NHSL2: variants seen among roughly 807,000 people sequenced by gnomAD.
NHSL2 encodes the protein NHS like 2.
A neutral mutation model predicts 53.4 loss-of-function variants in NHSL2; 27 were observed. That is an observed-to-expected ratio of 0.51 (90% confidence interval 0.37 to 0.70). The LOEUF is 0.70. Ranked by LOEUF, NHSL2 falls within the 30% of genes least tolerant of loss-of-function variation. The pLI is 0.00. For missense variants in NHSL2, 892 were observed against 980.1 expected (o/e 0.91, Z 1.20); for synonymous variants, 408 against 404.1 (o/e 1.01, Z -0.12).
rs149002824 is a variant in NHSL2 at position 72,025,302 on chromosome X, G to A, written c.281-106777G>A. Among the ~76,000 whole-genome samples, 801 of 112,502 alleles carry A rather than the reference G, an allele frequency of 7.1e-3. 8 individuals carry two copies. Among genetic ancestry groups the A allele is most frequent in the African/African-American group, 0.024 (752 of 30,988 alleles). ...TTTTCCTAGAAAGGGTCCCTAAGCC[G>A]TGCCAGACTGCCAAAGGCATGACAA... On this transcript the variant is annotated intron_variant, in intron 1 of 7. Transcript: ENST00000633930.
intron 1 of NHSL2, among the ~76,000 whole-genome samples, chrX:71,987,074 G>A (rs924135568): frequency 5.4e-5 from 6 of 111,162 alleles, no homozygotes; most frequent in Admixed American, 9.6e-5. Flanking sequence ...AGCTGGGCGC[G>A]GTGACTCACG....
At position 72,143,605 on chromosome X, in the gene NHSL2, C is replaced by T; in HGVS notation, c.*31C>T. ...GGGCTCAACAAGCAGGGTTTACTTA[C>T]TAAACTTGAGTAGAGAAGGGGGAAG... On this transcript the variant is annotated 3_prime_UTR_variant, in exon 8 of 8. Transcript: ENST00000633930. 1.0e-6 allele frequency: 1 copy of T among 981,354 alleles called. No individual in the cohort carries two copies. The highest frequency in any genetic ancestry group is 1.4e-6 in the Non-Finnish European group (1 of 724,103). The allele number at this position is 981,354 out of a possible 1,213,427, so 80.9% of individuals were successfully genotyped here. A position where few individuals can be genotyped will look rare whatever the true frequency, so the allele number is the denominator to read the frequency against.
chrX:71,920,021 A>G, intron 1 of NHSL2, among the ~76,000 whole-genome samples: 2 of 112,759 alleles, frequency 1.8e-5, no homozygotes. Flanking sequence ...ACCTTCTCAC[A>G]GAACTTATGG....
chrX:72,085,283 A>G (rs1037808842), intron 1 of NHSL2, among the ~76,000 whole-genome samples: 1 of 112,115 alleles, frequency 8.9e-6, no homozygotes, highest in Non-Finnish European at 1.9e-5. Context: ...TGCTTATTAC[A>G]TATATTTCAT....
chrX:72,134,584 T>C lies in NHSL2; in HGVS notation c.640T>C (p.Ser214Pro). Residue 214 changes from serine (S) to proline (P), a missense_variant, in exon 4 of 8, where the codon TCT (serine) becomes CCT (proline). Physicochemically the swap from Ser to Pro is moderately conservative, Grantham distance 74 (BLOSUM62 -1). Transcript: ENST00000633930. ...VRAPEASLSL[S>P]TTADKQTAWN... ...GGCCCCCGAGGCCTCCCTGAGCCTG[T>C]CTACCACAGCCGACAAGCAAACTGC... is the stretch of plus-strand genomic sequence containing the variant. 8.6e-7 allele frequency: 1 copy of C among 1,166,498 alleles called. No homozygotes were observed. The highest frequency in any genetic ancestry group is 1.1e-6 in the Non-Finnish European group (1 of 871,377).
In NHSL2 at chrX:71,961,594, T is replaced by G. The variant is rs908929190; in HGVS notation, c.280+50227T>G. ...TGTTCCTGATTTAAGGAGGAAAGCT[T>G]TCAGTCTTTTACCATTGAATACGAT... On this transcript the variant is annotated intron_variant, in intron 1 of 7. Coordinates refer to ENST00000633930, the MANE Select transcript of NHSL2 (RefSeq NM_001013627.3). 7.2e-5 allele frequency among the ~76,000 whole-genome samples: 8 copies of G among 111,464 alleles called. No homozygotes were observed. The Admixed American group carries it at 7.6e-4, about 11-fold the overall frequency.
chrX:72,013,469 G>A (rs1372532342), intron 1 of NHSL2, among the ~76,000 whole-genome samples: 4 of 110,512 alleles, frequency 3.6e-5, no homozygotes, highest in African/African-American at 6.6e-5. Flanking sequence ...CTATAATGCC[G>A]TCTCCAAATA....
intron 1 of NHSL2, among the ~76,000 whole-genome samples, chrX:71,922,227 GGAAGAGGA>G (rs1231742508): frequency 8.0e-5 from 9 of 112,422 alleles, no homozygotes; most frequent in African/African-American, 2.9e-4. Context: ...CCCAGAGAAA[GGAAGAGGA>G]CTGGGGCAAA....
At chrX:72,072,634 G>T (rs929277051) in intron 1 of NHSL2, among the ~76,000 whole-genome samples, 5 of 112,035 alleles carry the variant, frequency 4.5e-5, no homozygotes, top group African/African-American at 1.6e-4. Flanking sequence ...TTTCTCTTCA[G>T]CCTTCAGAAT....
intron 1 of NHSL2, among the ~76,000 whole-genome samples, chrX:72,083,879 C>A (rs182364271): frequency 8.9e-6 from 1 of 111,861 alleles, no homozygotes; most frequent in African/African-American, 3.3e-5. Context: ...AGGCCCTGCA[C>A]GATCTGTCTC....
At chrX:72,017,975 T>TG (rs1246671771) in intron 1 of NHSL2, among the ~76,000 whole-genome samples, 2 of 111,555 alleles carry the variant, frequency 1.8e-5, no homozygotes, top group African/African-American at 3.3e-5. Context: ...TCCTCCAATC[T>TG]GTTTTCCTTT....
intron 1 of NHSL2, among the ~76,000 whole-genome samples, chrX:71,998,868 A>C (rs2042061065): frequency 1.8e-5 from 2 of 111,948 alleles, no homozygotes; most frequent in South Asian, 7.5e-4. Context: ...CTCAGACACC[A>C]TCACCAGTCA....
intron 1 of NHSL2, among the ~76,000 whole-genome samples, chrX:72,077,125 A>G (rs2041750757): frequency 9.0e-6 from 1 of 110,611 alleles, no homozygotes; most frequent in Admixed American, 9.6e-5. Flanking sequence ...CACAGGAGAT[A>G]AAAGTCATGC....
chrX:71,974,099 A>G (rs868703697), intron 1 of NHSL2, among the ~76,000 whole-genome samples: 2 of 112,324 alleles, frequency 1.8e-5, no homozygotes, highest in Non-Finnish European at 3.8e-5. Context: ...AAATTTCCAG[A>G]GACTTTAAAT....
At chrX:71,957,328 A>G (rs1753512705) in intron 1 of NHSL2, among the ~76,000 whole-genome samples, 1 of 112,331 alleles carries the variant, frequency 8.9e-6, no homozygotes, top group African/African-American at 3.2e-5. Context: ...GTGCAGTGGC[A>G]CGATCTCGGC....
chrX:72,062,884 A>G (rs992732167), intron 1 of NHSL2, among the ~76,000 whole-genome samples: 1 of 111,920 alleles, frequency 8.9e-6, no homozygotes, highest in African/African-American at 3.3e-5. Flanking sequence ...GTTGACTAAT[A>G]TCAGTGCATA....
chrX:71,958,468 G>A (rs1470215905), intron 1 of NHSL2, among the ~76,000 whole-genome samples: 1 of 111,858 alleles, frequency 8.9e-6, no homozygotes, highest in Admixed American at 9.4e-5. Flanking sequence ...ATAGTTTCTG[G>A]CTCACTTCAT....
intron 1 of NHSL2, among the ~76,000 whole-genome samples, chrX:71,995,930 A>T (rs1227454122): frequency 1.8e-5 from 2 of 111,427 alleles, no homozygotes; most frequent in Non-Finnish European, 3.8e-5. Context: ...GAATAGGTGG[A>T]CTGTGGGGAT....
intron 1 of NHSL2, among the ~76,000 whole-genome samples, chrX:71,948,656 C>T (rs1240489568): frequency 9.1e-6 from 1 of 109,375 alleles, no homozygotes; most frequent in Non-Finnish European, 1.9e-5. Flanking sequence ...ATGGTGAAAC[C>T]CCGTCTGTAC....
Sources: gnomAD v4.1 joint callset for allele counts (sites outside exome capture counted in the v4.1 genomes callset) on GRCh38, gnomAD v4.1.1 for gene constraint, MANE v1.5 for transcripts, NCBI Gene and HGNC (gene_info 2026-07-23, HGNC 2026-07-21) for gene names.